Variants in GTPBP4 observed in about 807,000 individuals in gnomAD.
The protein encoded by GTPBP4 is GTP-binding protein 4.
Under a neutral mutation model 81.7 loss-of-function variants are expected in GTPBP4, and 15 were observed. That is an observed-to-expected ratio of 0.18 (90% confidence interval 0.12 to 0.28). The LOEUF is 0.28. Among genes scored for constraint, GTPBP4 ranks in the 10% least tolerant of loss-of-function variants. GTPBP4 has a pLI of 1.00. For synonymous variants in GTPBP4, 272 were observed against 274.6 expected, an observed-to-expected ratio of 0.99 and a Z score of 0.09; for missense variants, 847 against 793.8, an observed-to-expected ratio of 1.07 and a Z score of -0.81.
chr10:995,783 A>T (rs1257686091), intron 2 of GTPBP4, 146 bp from the exon 3 acceptor site: 1 of 598,236 alleles, frequency 1.7e-6, no homozygotes, highest in Admixed American at 3.0e-5. Context: ...TCAGAGGACT[A>T]AATAGACAGG....
intron 2 of GTPBP4, among the ~76,000 whole-genome samples, chr10:993,324 C>T (rs1564465363): frequency 6.6e-6 from 1 of 152,146 alleles, no homozygotes; most frequent in Non-Finnish European, 1.5e-5. Flanking sequence ...GTGATCTCAG[C>T]CCGCTGAAAT....
intron 9 of GTPBP4, 103 bp from the exon 10 acceptor site, chr10:1,006,915 G>A (rs1831748391): frequency 9.5e-6 from 7 of 735,960 alleles, no homozygotes; most frequent in East Asian, 2.6e-5. Context: ...TTACCTTGAG[G>A]GAAAAGGCTC....
intron 16 of GTPBP4, 78 bp downstream of exon 16, chr10:1,015,974 C>A: frequency 7.7e-7 from 1 of 1,297,022 alleles, no homozygotes; most frequent in Non-Finnish European, 1.1e-6. Context: ...CAAACACCAG[C>A]AGTTGCCATT....
intron 3 of GTPBP4, 22 bp downstream of exon 3, chr10:996,054 T>G (rs1215214922): frequency 2.5e-6 from 4 of 1,588,314 alleles, no homozygotes; most frequent in Non-Finnish European, 3.5e-6. Flanking sequence ...TTTTCTGTAG[T>G]GTCTTTTAAG....
At chr10:1,012,110 C>A (rs573977650) in intron 13 of GTPBP4, among the ~76,000 whole-genome samples, 1 of 152,114 alleles carries the variant, frequency 6.6e-6, no homozygotes, top group African/African-American at 2.4e-5. Flanking sequence ...GGATGTGGCA[C>A]GAAATCAGTG....
intron 1 of GTPBP4, among the ~76,000 whole-genome samples, chr10:989,618 T>G (rs1327410234): frequency 6.6e-6 from 1 of 152,216 alleles, no homozygotes; most frequent in Non-Finnish European, 1.5e-5. Context: ...GAGCTTGCCT[T>G]GGAAAGCTTT....
intron 6 of GTPBP4, among the ~76,000 whole-genome samples, chr10:1,000,142 C>G (rs1343453305): frequency 6.6e-6 from 1 of 151,754 alleles, no homozygotes; most frequent in Non-Finnish European, 1.5e-5. Context: ...TTTCTTTGAG[C>G]TCTACAGGGT....
chr10:997,176 T>C (rs373495668), intron 4 of GTPBP4, 32 bp from the exon 5 acceptor site: 171 of 1,236,878 alleles, frequency 1.4e-4, no homozygotes, highest in Non-Finnish European at 1.9e-4. Context: ...AAACTTTGAA[T>C]TTCTTAATTT....
intron 5 of GTPBP4, 129 bp from the exon 6 acceptor site, chr10:998,874 G>T: frequency 1.6e-6 from 1 of 640,442 alleles, no homozygotes; most frequent in South Asian, 1.8e-5. Flanking sequence ...GCTCCTATTC[G>T]ATGCAGTTTT....
chr10:1,016,068 G>C (rs749963637), intron 16 of GTPBP4, among the ~76,000 whole-genome samples, 172 bp downstream of exon 16: 2 of 152,246 alleles, frequency 1.3e-5, no homozygotes, highest in Non-Finnish European at 2.9e-5. Flanking sequence ...TCAGGGTGCA[G>C]GTGGATGCCC....
intron 4 of GTPBP4, chr10:996,938 G>T (rs577712767): frequency 4.7e-6 from 2 of 424,464 alleles, no homozygotes; most frequent in Non-Finnish European, 4.2e-6. Context: ...CATGCTGTTG[G>T]CCCCACCTGT....
chr10:989,599 G>A (rs886493901), intron 1 of GTPBP4, among the ~76,000 whole-genome samples: 1 of 152,166 alleles, frequency 6.6e-6, no homozygotes, highest in African/African-American at 2.4e-5. Context: ...CAGGTCTCAA[G>A]GACGGGATGA....
rs949410827 is a variant in GTPBP4 at position 1,019,784 on chromosome 10, T to A, written c.*2557T>A. The A allele has an allele frequency of 1.9e-6, 3 of 1,613,902 alleles. No homozygotes were observed. Among genetic ancestry groups the A allele is most frequent in the African/African-American group, 2.7e-5 (2 of 74,894 alleles). ...CATGCTCTCCCCAAATTCTGTCTGA[T>A]TTTGCCTTGTGGTGATAGATTGTCA... On this transcript the variant is annotated 3_prime_UTR_variant, in exon 17 of 17. Transcript: ENST00000360803.
rs772583378 is a variant in GTPBP4, at chr10:1,019,468, C to T, written c.*2241C>T. ...GTGTATCATTGCCTCAATGGTGCGT[C>T]TGCCTGCACTGAGGGCATTACACAT... On this transcript the variant is annotated 3_prime_UTR_variant, in exon 17 of 17. Coordinates refer to ENST00000360803, the MANE Select transcript of GTPBP4 (RefSeq NM_012341.3). 9 of 1,473,038 alleles carry T rather than the reference C, an allele frequency of 6.1e-6. No homozygotes were observed. Among genetic ancestry groups the T allele is most frequent in the Non-Finnish European group, 8.3e-6 (9 of 1,080,268 alleles). 91.2% of individuals were successfully genotyped at this position (1,473,038 alleles called of 1,614,324 possible).
chr10:1,012,802 C>A, intron 14 of GTPBP4, 140 bp downstream of exon 14: 1 of 626,288 alleles, frequency 1.6e-6, no homozygotes, highest in Non-Finnish European at 2.8e-6. Context: ...TATGGATTTG[C>A]AAGATCGCTC....
intron 8 of GTPBP4, among the ~76,000 whole-genome samples, chr10:1,001,230 T>C (rs886073470): frequency 1.3e-5 from 2 of 152,220 alleles, no homozygotes; most frequent in Non-Finnish European, 2.9e-5. Context: ...TCTTTGTTCT[T>C]GAGTGTGTGG....
intron 10 of GTPBP4, chr10:1,007,761 C>G (rs1438336152): frequency 7.6e-6 from 3 of 395,332 alleles, no homozygotes; most frequent in African/African-American, 2.1e-5. Context: ...TTCCCTCTGT[C>G]TTTCCTTGTG....
intron 5 of GTPBP4, 87 bp downstream of exon 5, chr10:997,395 C>T: frequency 1.2e-6 from 1 of 810,020 alleles, no homozygotes; most frequent in Non-Finnish European, 2.2e-6. Context: ...TTCAGGATGG[C>T]CTTGTAGGTC....
chr10:1,006,008 C>T (rs1831722423), intron 9 of GTPBP4, 101 bp downstream of exon 9: 2 of 689,006 alleles, frequency 2.9e-6, no homozygotes, highest in Admixed American at 2.7e-5. Flanking sequence ...ACATTGTTAA[C>T]ACTTGGAGCC....
Sources: allele counts gnomAD v4.1 joint callset (sites outside exome capture counted in the v4.1 genomes callset), GRCh38; gene constraint gnomAD v4.1.1; transcripts MANE v1.5; gene names NCBI Gene and HGNC (gene_info 2026-07-23, HGNC 2026-07-21).